KATNBL1: variants seen among roughly 807,000 people sequenced by gnomAD.
The protein encoded by KATNBL1 is KATNB1-like protein 1.
A neutral mutation model predicts 44.7 loss-of-function variants in KATNBL1; 28 were observed. The ratio of observed to expected loss-of-function variants is 0.63; its 90% CI spans 0.46 to 0.86. The LOEUF is 0.86. Ranked by LOEUF, KATNBL1 falls within the 40% of genes least tolerant of loss-of-function variation. The probability of loss-of-function intolerance (pLI) is 0.00; values close to 1 mark genes in which losing one functional copy is unlikely to be tolerated. For synonymous variants in KATNBL1, 78 were observed against 114.9 expected (o/e 0.68, Z 2.06); for missense variants, 272 against 350.7 (o/e 0.78, Z 1.79).
rs536982786 is a variant in KATNBL1 at position 34,170,766 on chromosome 15, A to G, written c.-14-7076T>C. Among the ~76,000 whole-genome samples, 13 of 152,174 alleles carry G rather than the reference A, an allele frequency of 8.5e-5. No individual in the cohort carries two copies. In the South Asian group the frequency reaches 1.7e-3, roughly 19 times the overall value. On this transcript the variant is annotated intron_variant, in intron 1 of 9. Coordinates refer to ENST00000256544, the MANE Select transcript of KATNBL1 (RefSeq NM_024713.3). ...TATAGACCAATGGAACAGAACAGAG[A>G]CCTCAGAAATAACACCACACATCTA...
At chr15:34,203,869 G>A (rs920250463) in intron 1 of KATNBL1, among the ~76,000 whole-genome samples, 2 of 151,712 alleles carry the variant, frequency 1.3e-5, no homozygotes, top group Non-Finnish European at 2.9e-5. Context: ...ATCACACACC[G>A]GGCCCTGTTG....
At chr15:34,184,571 TG>T in intron 1 of KATNBL1, among the ~76,000 whole-genome samples, 1 of 59,402 alleles carries the variant, frequency 1.7e-5, no homozygotes, top group South Asian at 7.5e-4. Context: ...TCTCTCCTAA[TG>T]TTTCTTTTTT....
At chr15:34,190,952 C>T (rs1006424482) in intron 1 of KATNBL1, among the ~76,000 whole-genome samples, 3 of 151,870 alleles carry the variant, frequency 2.0e-5, no homozygotes, top group Non-Finnish European at 4.4e-5. Flanking sequence ...TCAACAAACG[C>T]TTTGCAAGAA....
At chr15:34,153,702 C>T (rs548421189) in intron 3 of KATNBL1, among the ~76,000 whole-genome samples, 1 of 152,150 alleles carries the variant, frequency 6.6e-6, no homozygotes, top group East Asian at 1.9e-4. Flanking sequence ...TCCTGAGTAG[C>T]TGGGACTACA....
intron 2 of KATNBL1, among the ~76,000 whole-genome samples, chr15:34,160,402 C>T (rs1414630662): frequency 6.6e-6 from 1 of 152,136 alleles, no homozygotes. Context: ...AGTTCTCTAT[C>T]TTTTGTAATT....
chr15:34,153,719 C>T (rs774681230), intron 3 of KATNBL1, among the ~76,000 whole-genome samples: 19 of 152,034 alleles, frequency 1.2e-4, no homozygotes, highest in Non-Finnish European at 1.9e-4. Flanking sequence ...TACAGTCGCG[C>T]GCCACCATGC....
At chr15:34,182,105 G>A (rs1046469170) in intron 1 of KATNBL1, among the ~76,000 whole-genome samples, 3 of 151,888 alleles carry the variant, frequency 2.0e-5, no homozygotes, top group East Asian at 1.9e-4. Context: ...GTAAGAGTCT[G>A]CACTGGAACC....
At chr15:34,203,572 T>C (rs1251039660) in intron 1 of KATNBL1, among the ~76,000 whole-genome samples, 1 of 152,242 alleles carries the variant, frequency 6.6e-6, no homozygotes, top group Non-Finnish European at 1.5e-5. Context: ...ACCACATTTA[T>C]CACCATCTGG....
At position 34,178,553 on chromosome 15, in the gene KATNBL1, C is replaced by T. The variant is rs558119727; in HGVS notation, c.-14-14863G>A. 9.9e-5 allele frequency among the ~76,000 whole-genome samples: 15 copies of T among 152,148 alleles called. No individual in the cohort carries two copies. In the East Asian group the frequency reaches 1.5e-3, roughly 16 times the overall value. On this transcript the variant is annotated intron_variant, in intron 1 of 9. Coordinates refer to ENST00000256544, the MANE Select transcript of KATNBL1 (RefSeq NM_024713.3). ...AGGGCAGATCACGAGGTCAGGAGAT[C>T]GAGACCATCCTGGCTAACCCGGTGA...
intron 1 of KATNBL1, among the ~76,000 whole-genome samples, chr15:34,179,784 T>TC (rs370052662): frequency 1.3e-5 from 2 of 151,868 alleles, no homozygotes; most frequent in Non-Finnish European, 1.5e-5. Context: ...TTATGGGTGC[T>TC]CCCCCCCACC....
chr15:34,206,800 AAAAAG>A (rs903526437), intron 1 of KATNBL1, among the ~76,000 whole-genome samples: 9 of 152,144 alleles, frequency 5.9e-5, no homozygotes, highest in African/African-American at 2.2e-4. Context: ...TCAAAAAAAA[AAAAAG>A]AAAAGAAAAG....
chr15:34,142,662 A>G (rs1369253691), intron 9 of KATNBL1: 2 of 328,122 alleles, frequency 6.1e-6, no homozygotes, highest in African/African-American at 4.4e-5. Context: ...AGTGCTGTTT[A>G]CTATCAGTGC....
chr15:34,158,901 G>A (rs940606775), intron 2 of KATNBL1, among the ~76,000 whole-genome samples: 1 of 152,118 alleles, frequency 6.6e-6, no homozygotes, highest in Admixed American at 6.5e-5. Context: ...CTTAAATCAG[G>A]TCTGACTTTA....
chr15:34,205,959 A>T (rs978986264), intron 1 of KATNBL1, among the ~76,000 whole-genome samples: 4 of 152,294 alleles, frequency 2.6e-5, no homozygotes, highest in African/African-American at 9.6e-5. Flanking sequence ...TCACACTAAG[A>T]TGTAAAAGAC....
At chr15:34,182,406 A>C (rs1419388681) in intron 1 of KATNBL1, among the ~76,000 whole-genome samples, 2 of 152,224 alleles carry the variant, frequency 1.3e-5, no homozygotes, top group Non-Finnish European at 2.9e-5. Context: ...TGGAAGGCAA[A>C]TTTGACAGCA....
At chr15:34,151,060 GTGA>G (rs1272130862) in intron 4 of KATNBL1, among the ~76,000 whole-genome samples, 1 of 152,158 alleles carries the variant, frequency 6.6e-6, no homozygotes, top group Non-Finnish European at 1.5e-5. Flanking sequence ...GAACAGTGCT[GTGA>G]TGAACATACG....
chr15:34,171,854 T>C (rs934657011), intron 1 of KATNBL1, among the ~76,000 whole-genome samples: 2 of 148,638 alleles, frequency 1.3e-5, no homozygotes, highest in Non-Finnish European at 3.0e-5. Flanking sequence ...CCAAACACCA[T>C]ATGTTCTCAC....
At chr15:34,201,395 T>A (rs1343181586) in intron 1 of KATNBL1, among the ~76,000 whole-genome samples, 1 of 152,196 alleles carries the variant, frequency 6.6e-6, no homozygotes, top group South Asian at 2.1e-4. Flanking sequence ...TGAGAGAAAC[T>A]GGGGACAAAA....
chr15:34,196,392 T>C (rs954800915), intron 1 of KATNBL1, among the ~76,000 whole-genome samples: 1 of 152,000 alleles, frequency 6.6e-6, no homozygotes, highest in Non-Finnish European at 1.5e-5. Flanking sequence ...CACTCCAGCC[T>C]GGGCAACAGA....
Sources: allele counts gnomAD v4.1 joint callset (sites outside exome capture counted in the v4.1 genomes callset), GRCh38; gene constraint gnomAD v4.1.1; transcripts MANE v1.5; gene names NCBI Gene and HGNC (gene_info 2026-07-23, HGNC 2026-07-21).